Variants in GRID2 observed in about 807,000 individuals in gnomAD.
GRID2 encodes glutamate receptor ionotropic, delta-2.
Under a neutral mutation model 114.8 loss-of-function variants are expected in GRID2, and 33 were observed. That is an observed-to-expected ratio of 0.29 (90% CI 0.22 to 0.38). The LOEUF is 0.38. Among genes scored for constraint, GRID2 ranks in the 10% least tolerant of loss-of-function variants. The pLI is 1.00. For missense variants in GRID2, 1,184 were observed against 1,257.7 expected (o/e 0.94, Z 0.89); for synonymous variants, 505 against 449.9 (o/e 1.12, Z -1.55).
intron 1 of GRID2, among the ~76,000 whole-genome samples, chr4:92,586,391 C>CACAT: frequency 7.4e-6 from 1 of 135,974 alleles, no homozygotes; most frequent in South Asian, 2.4e-4. Flanking sequence ...CACACACACA[C>CACAT]ACATACACAC....
Position 92,953,544 on chromosome 4 carries a change from T to A in GRID2, c.245-131451T>A, listed in dbSNP as rs139574405. Among the ~76,000 whole-genome samples the A allele has an allele frequency of 8.5e-4, 129 of 152,298 alleles. 1 individual carries two copies. The highest frequency in any genetic ancestry group is 2.9e-3 in the African/African-American group (122 of 41,570). The stretch of plus-strand genomic sequence containing the variant: ...TTTTAATATTATATTTTCTCTTTGT[T>A]CATGACGGGCATAGTCAAGTGATGA... On this transcript the variant is annotated intron_variant, in intron 2 of 15. Coordinates refer to ENST00000282020, the MANE Select transcript of GRID2 (RefSeq NM_001510.4).
chr4:92,708,307 A>G lies in GRID2; in HGVS notation c.244+118021A>G, dbSNP rs534728896. ...AAACCAATTCAAGTTTCTCCCATCA[A>G]TCAGTCACAGACTAATGCTTTCTAA... On this transcript the variant is annotated intron_variant, in intron 2 of 15. Coordinates refer to ENST00000282020, the MANE Select transcript of GRID2 (RefSeq NM_001510.4). 2.2e-4 allele frequency among the ~76,000 whole-genome samples: 34 copies of G among 152,318 alleles called. No individual in the cohort carries two copies. In the East Asian group the frequency reaches 4.6e-3, roughly 21 times the overall value.
At chr4:92,961,333 T>C (rs997938958) in intron 2 of GRID2, among the ~76,000 whole-genome samples, 1 of 151,668 alleles carries the variant, frequency 6.6e-6, no homozygotes, top group South Asian at 2.1e-4. Context: ...AGTTCTTCTT[T>C]TGGGGTTTCT....
intron 1 of GRID2, among the ~76,000 whole-genome samples, chr4:92,550,589 G>T (rs537784099): frequency 1.3e-5 from 2 of 152,034 alleles, no homozygotes; most frequent in Non-Finnish European, 2.9e-5. Context: ...GACTGGTTTG[G>T]CAGGCTCTCT....
chr4:93,628,122 C>T (rs1439804822), intron 14 of GRID2, among the ~76,000 whole-genome samples: 6 of 151,790 alleles, frequency 4.0e-5, no homozygotes, highest in African/African-American at 1.2e-4. Context: ...TATAGTGAGC[C>T]AAAAGTGAAA....
intron 11 of GRID2, among the ~76,000 whole-genome samples, chr4:93,483,588 G>C (rs971625653): frequency 2.6e-5 from 4 of 151,864 alleles, no homozygotes; most frequent in Admixed American, 6.6e-5. Context: ...ACAAATTTTT[G>C]CCTGACTCAG....
chr4:93,232,427 T>A (rs1485888144), intron 7 of GRID2, among the ~76,000 whole-genome samples: 2 of 151,482 alleles, frequency 1.3e-5, no homozygotes, highest in African/African-American at 4.8e-5. Flanking sequence ...ATAGAAAATA[T>A]CAGTTTATGC....
intron 8 of GRID2, among the ~76,000 whole-genome samples, chr4:93,388,065 A>T (rs1364800020): frequency 6.6e-6 from 1 of 152,142 alleles, no homozygotes; most frequent in African/African-American, 2.4e-5. Flanking sequence ...ATATATATTT[A>T]AAAAACTTAA....
chr4:93,807,233 A>G (rs1353857559), exon 2 of GRID2: 1 of 152,154 alleles, frequency 6.6e-6, no homozygotes, highest in Non-Finnish European at 1.5e-5. Context: ...CTCAGCTTCT[A>G]TCTGTGCACG....
intron 2 of GRID2, among the ~76,000 whole-genome samples, chr4:92,717,328 A>G (rs17019814): frequency 0.19 from 28,195 of 152,112 alleles, 2,859 homozygotes; most frequent in East Asian, 0.35. Flanking sequence ...GCAAGAATAA[A>G]CCTTAATAGC....
At chr4:93,574,730 C>T (rs1736257579) in intron 13 of GRID2, among the ~76,000 whole-genome samples, 1 of 152,192 alleles carries the variant, frequency 6.6e-6, no homozygotes, top group South Asian at 2.1e-4. Context: ...GGTGGGGACA[C>T]AGCCAAACCA....
rs186709152 is a variant in GRID2, at chr4:93,015,782, G to C, written c.245-69213G>C. 1.8e-4 allele frequency among the ~76,000 whole-genome samples: 27 copies of C among 152,084 alleles called. 2 individuals are homozygous for C. Among genetic ancestry groups the C allele is most frequent in the Admixed American group, 1.7e-3 (26 of 15,250 alleles). On this transcript the variant is annotated intron_variant, in intron 2 of 15. Coordinates refer to ENST00000282020, the MANE Select transcript of GRID2 (RefSeq NM_001510.4). ...TTCAAAACAGGGAGTTTGGAACCTG[G>C]ATAATCTTGGCAAATCCTACAGAGG...
At chr4:93,134,099 A>T (rs1479774798) in intron 4 of GRID2, among the ~76,000 whole-genome samples, 1 of 152,026 alleles carries the variant, frequency 6.6e-6, no homozygotes, top group South Asian at 2.1e-4. Flanking sequence ...CTTTCAATAT[A>T]TGTCATTGAA....
intron 8 of GRID2, among the ~76,000 whole-genome samples, chr4:93,274,365 T>C (rs1751822610): frequency 6.6e-6 from 1 of 152,150 alleles, no homozygotes; most frequent in African/African-American, 2.4e-5. Context: ...CTTTCTGTCC[T>C]ACAATTATAA....
intron 8 of GRID2, among the ~76,000 whole-genome samples, chr4:93,247,714 A>G (rs974269112): frequency 2.0e-5 from 3 of 152,036 alleles, no homozygotes; most frequent in Middle Eastern, 3.4e-3. Flanking sequence ...CCAATCTCTC[A>G]TATCAAATCT....
chr4:93,716,373 G>T (rs1471272998), intron 14 of GRID2, among the ~76,000 whole-genome samples: 1 of 152,144 alleles, frequency 6.6e-6, no homozygotes, highest in East Asian at 1.9e-4. Flanking sequence ...GCAGAGTTCA[G>T]AAATGTTCCT....
chr4:92,792,100 C>G (rs753569816), intron 2 of GRID2, among the ~76,000 whole-genome samples: 2 of 151,838 alleles, frequency 1.3e-5, no homozygotes, highest in Non-Finnish European at 2.9e-5. Flanking sequence ...GAGCCTCTTT[C>G]TAGTAGGAGT....
chr4:93,718,768 C>A (rs1729115864), intron 14 of GRID2, among the ~76,000 whole-genome samples: 1 of 152,112 alleles, frequency 6.6e-6, no homozygotes, highest in Admixed American at 6.5e-5. Context: ...AAACACAAAA[C>A]TGAAAGTCAA....
At chr4:93,802,247 T>C (rs1052001562) in intron 1 of GRID2, among the ~76,000 whole-genome samples, 2 of 152,176 alleles carry the variant, frequency 1.3e-5, no homozygotes, top group Non-Finnish European at 2.9e-5. Flanking sequence ...AAGTGTTGAA[T>C]ACAAAATGAG....
Sources: gnomAD v4.1 joint callset for allele counts (sites outside exome capture counted in the v4.1 genomes callset) on GRCh38, gnomAD v4.1.1 for gene constraint, MANE v1.5 for transcripts, NCBI Gene and HGNC (gene_info 2026-07-23, HGNC 2026-07-21) for gene names.